DNAL4: variants seen among roughly 807,000 people sequenced by gnomAD.
DNAL4 encodes the protein dynein axonemal light chain 4.
Under a neutral mutation model 12.6 loss-of-function variants are expected in DNAL4, and 10 were observed. That is an observed-to-expected ratio of 0.79 (90% CI 0.49 to 1.34). DNAL4 has a LOEUF of 1.34. Among genes scored for constraint, DNAL4 ranks in the 40% most tolerant of loss-of-function variants. DNAL4 has a pLI of 0.00. For missense variants in DNAL4, 128 were observed against 138.1 expected (o/e 0.93, Z 0.37); for synonymous variants, 46 against 53.1 (o/e 0.87, Z 0.58).
chr22:38,781,678 T>G (rs911575860), intron 2 of DNAL4, among the ~76,000 whole-genome samples: 3 of 152,158 alleles, frequency 2.0e-5, no homozygotes, highest in Non-Finnish European at 4.4e-5. Context: ...TTCTTCCATC[T>G]CCTTTTCCTG....
At chr22:38,788,779 A>G (rs1196204910) in intron 1 of DNAL4, among the ~76,000 whole-genome samples, 1 of 152,250 alleles carries the variant, frequency 6.6e-6, no homozygotes, top group Non-Finnish European at 1.5e-5. Flanking sequence ...TAAGAGTGAC[A>G]TTATCACAGA....
At chr22:38,791,835 C>T (rs986957842) in intron 1 of DNAL4, among the ~76,000 whole-genome samples, 3 of 151,252 alleles carry the variant, frequency 2.0e-5, no homozygotes, top group Admixed American at 6.6e-5. Context: ...GGATTACAGG[C>T]GCCTGCCACC....
chr22:38,790,997 G>A (rs1334316138), intron 1 of DNAL4, among the ~76,000 whole-genome samples: 3 of 152,072 alleles, frequency 2.0e-5, no homozygotes, highest in Admixed American at 6.5e-5. Context: ...GCAAAACCTC[G>A]TCTCTACTAA....
rs570522046 is a variant in DNAL4 at position 38,782,153 on chromosome 22, G to T, written c.69+510C>A. On this transcript the variant is annotated intron_variant, in intron 2 of 3. Coordinates refer to ENST00000216068, the MANE Select transcript of DNAL4 (RefSeq NM_005740.3). The surrounding 1 kb of genome is among the most constrained non-coding windows in gnomAD (Gnocchi z 5.1). ...CTTCTCAGCACTCCATTCCAGCCAT[G>T]CTGGCCTTCTCTCTGTGCCTCCAAA... 6.6e-6 allele frequency among the ~76,000 whole-genome samples: 1 copy of T among 152,132 alleles called. No homozygotes were observed. The highest frequency in any genetic ancestry group is 1.5e-5 in the Non-Finnish European group (1 of 68,034).
At position 38,782,412 on chromosome 22, in the gene DNAL4, C is replaced by T. The variant is rs140328200; in HGVS notation, c.69+251G>A. ...ATGTATTTCATGTGGGCCAGGCCTT[C>T]GCCTGTCTCGTTTACCATCCCCACA... On this transcript the variant is annotated intron_variant, in intron 2 of 3. Coordinates refer to ENST00000216068, the MANE Select transcript of DNAL4 (RefSeq NM_005740.3). This position sits in a 1 kb window ranked among gnomAD's most constrained non-coding sequence, Gnocchi z 5.1. 3.3e-5 allele frequency among the ~76,000 whole-genome samples: 5 copies of T among 152,250 alleles called. No individual in the cohort carries two copies. Among genetic ancestry groups the T allele is most frequent in the African/African-American group, 9.6e-5 (4 of 41,470 alleles).
chr22:38,779,444 G>A lies in DNAL4; in HGVS notation c.*5C>T. The A allele has an allele frequency of 6.4e-7, 1 of 1,564,770 alleles. No individual in the cohort carries two copies. The highest frequency in any genetic ancestry group is 1.2e-5 in the South Asian group (1 of 85,098). The stretch of plus-strand genomic sequence containing the variant: ...CCTGCAGGGGACGGGGCAGGGGACA[G>A]AGTGTCAGGAGCACTTCCAGACGCA... On this transcript the variant is annotated 3_prime_UTR_variant, in exon 4 of 4. Coordinates refer to ENST00000216068, the MANE Select transcript of DNAL4 (RefSeq NM_005740.3). The surrounding 1 kb of genome is among the most constrained non-coding windows in gnomAD (Gnocchi z 4.3).
At chr22:38,781,892 C>G (rs568148124) in intron 2 of DNAL4, among the ~76,000 whole-genome samples, 136 of 152,358 alleles carry the variant, frequency 8.9e-4, no homozygotes, top group Non-Finnish European at 1.7e-3. Context: ...TGGGCCTCCA[C>G]AGCGGCCTCC....
At chr22:38,781,434 C>A (rs1273793832) in intron 2 of DNAL4, among the ~76,000 whole-genome samples, 1 of 152,146 alleles carries the variant, frequency 6.6e-6, no homozygotes, top group Non-Finnish European at 1.5e-5. Context: ...GATTTCCTTC[C>A]TCCTCCCAGC....
intron 1 of DNAL4, among the ~76,000 whole-genome samples, chr22:38,784,611 T>C (rs1298944790): frequency 2.0e-5 from 3 of 151,512 alleles, no homozygotes; most frequent in Admixed American, 2.0e-4. Flanking sequence ...CCCAGGTTCA[T>C]GCCATTCTCC....
chr22:38,780,694 G>T, intron 3 of DNAL4: 1 of 512,372 alleles, frequency 2.0e-6, no homozygotes, highest in Non-Finnish European at 3.5e-6. Context: ...GGGCAGGGGC[G>T]TCATGGAGAC....
chr22:38,782,406 G>C lies in DNAL4; in HGVS notation c.69+257C>G, dbSNP rs969822325. 1.3e-5 allele frequency among the ~76,000 whole-genome samples: 2 copies of C among 152,274 alleles called. No individual in the cohort carries two copies. Among genetic ancestry groups the C allele is most frequent in the Non-Finnish European group, 2.9e-5 (2 of 68,052 alleles). On this transcript the variant is annotated intron_variant, in intron 2 of 3. Transcript: ENST00000216068. The surrounding 1 kb of genome is among the most constrained non-coding windows in gnomAD (Gnocchi z 5.1). ...TAAAACATGTATTTCATGTGGGCCA[G>C]GCCTTCGCCTGTCTCGTTTACCATC...
intron 1 of DNAL4, among the ~76,000 whole-genome samples, chr22:38,789,744 A>C (rs1426825194): frequency 6.6e-6 from 1 of 152,138 alleles, no homozygotes; most frequent in Non-Finnish European, 1.5e-5. Flanking sequence ...AGTGGTGAGG[A>C]GGGTGAGATA....
chr22:38,790,776 G>T (rs145155373), intron 1 of DNAL4, among the ~76,000 whole-genome samples: 15 of 152,216 alleles, frequency 9.9e-5, no homozygotes, highest in African/African-American at 3.4e-4. Flanking sequence ...TATATGGTAC[G>T]GCCTATTTCT....
rs1476967862 is a variant in DNAL4, at chr22:38,782,917, C to T, written c.-139-47G>A. 1 of 526,444 alleles carries T rather than the reference C, an allele frequency of 1.9e-6. No homozygotes were observed. Among genetic ancestry groups the T allele is most frequent in the Non-Finnish European group, 3.3e-6 (1 of 301,930 alleles). The allele number at this position is 526,444 out of a possible 1,614,324, so 32.6% of individuals were successfully genotyped here. A position where few individuals can be genotyped will look rare whatever the true frequency, so the allele number is the denominator to read the frequency against. On this transcript the variant is annotated intron_variant, in intron 1 of 3. Transcript: ENST00000216068. The surrounding 1 kb of genome is among the most constrained non-coding windows in gnomAD (Gnocchi z 5.1). ...AGAAAAAAAGAGCTGGCTTCAAAAC[C>T]ATACATCGCAAATTAGAAATGTCTC...
rs891326069 is a variant in DNAL4, at chr22:38,779,244, T to C, written c.*205A>G. On this transcript the variant is annotated 3_prime_UTR_variant, in exon 4 of 4. Transcript: ENST00000216068. The surrounding 1 kb of genome is among the most constrained non-coding windows in gnomAD (Gnocchi z 4.3). ...CATGCCCGCTGCCCCGTCCACACCC[T>C]GAGACTCCGAGGGAGACGGTTGAGA... The C allele has an allele frequency of 4.4e-5, 29 of 655,706 alleles. No individual in the cohort carries two copies. Among genetic ancestry groups the C allele is most frequent in the Admixed American group, 2.8e-4 (9 of 32,150 alleles). The allele number at this position is 655,706 out of a possible 1,614,324, so 40.6% of individuals were successfully genotyped here.
chr22:38,786,504 A>G (rs2093042455), intron 1 of DNAL4, among the ~76,000 whole-genome samples: 1 of 152,238 alleles, frequency 6.6e-6, no homozygotes, highest in East Asian at 1.9e-4. Flanking sequence ...GATTGCGGTG[A>G]GCCAAGATCA....
At chr22:38,783,355 ACATACGCGGGCCTTCCCTCCCACTG>A (rs1569317555) in intron 1 of DNAL4, among the ~76,000 whole-genome samples, 2 of 148,134 alleles carry the variant, frequency 1.4e-5, no homozygotes, top group Non-Finnish European at 3.0e-5. Flanking sequence ...CCCTCCCACT[ACATACGCGGGCCTTCCCTCCCACTG>A]CATACACGGG....
chr22:38,783,911 C>G (rs2093038298), intron 1 of DNAL4, among the ~76,000 whole-genome samples: 2 of 152,102 alleles, frequency 1.3e-5, no homozygotes, highest in African/African-American at 4.8e-5. Flanking sequence ...AGCACTCCTG[C>G]CAATCCAGGC....
rs987785425 is a variant in DNAL4, at chr22:38,782,257, A to T, written c.69+406T>A. ...GCATGTTCTTCCCCAGGTCTTTGTG[A>T]GGTTTGCTCTCTGTCTTCAGGTCTC... On this transcript the variant is annotated intron_variant, in intron 2 of 3. Transcript: ENST00000216068. The surrounding 1 kb of genome is among the most constrained non-coding windows in gnomAD (Gnocchi z 5.1). Among the ~76,000 whole-genome samples, 4 of 152,078 alleles carry T rather than the reference A, an allele frequency of 2.6e-5. No homozygotes were observed. The highest frequency in any genetic ancestry group is 5.9e-5 in the Non-Finnish European group (4 of 68,034).
Sources: gnomAD v4.1 joint callset for allele counts (sites outside exome capture counted in the v4.1 genomes callset) on GRCh38, gnomAD v4.1.1 for gene constraint, Gnocchi (gnomAD v3.1) non-coding constraint, MANE v1.5 for transcripts, NCBI Gene and HGNC (gene_info 2026-07-23, HGNC 2026-07-21) for gene names.